Variants in UGT1A8 observed in about 807,000 individuals in gnomAD.
UGT1A8 encodes UDP-glucuronosyltransferase 1A8.
A neutral mutation model predicts 45.3 loss-of-function variants in UGT1A8; 39 were observed. That is an observed-to-expected ratio of 0.86 (90% CI 0.67 to 1.12). The LOEUF is 1.12. Among genes scored for constraint, UGT1A8 ranks in the 50% most tolerant of loss-of-function variants. The pLI is 0.00. For synonymous variants in UGT1A8, 275 were observed against 249.2 expected, an observed-to-expected ratio of 1.10 and a Z score of -0.97; for missense variants, 719 against 664.9, an observed-to-expected ratio of 1.08 and a Z score of -0.90.
Position 233,773,250 on chromosome 2 carries a change from T to C in UGT1A8, c.*691T>C, listed in dbSNP as rs967229603. 2.0e-5 allele frequency: 3 copies of C among 152,350 alleles called. No homozygotes were observed. Among genetic ancestry groups the C allele is most frequent in the Admixed American group, 6.5e-5 (1 of 15,274 alleles). The allele number at this position is 152,350 out of a possible 1,614,324, so 9.4% of individuals were successfully genotyped here. A position where few individuals can be genotyped will look rare whatever the true frequency, so the allele number is the denominator to read the frequency against. Reference sequence around the variant, plus strand: ...AAGTGCTGGGCAAGTTTACTTTTTTTCTGATGTTTCCTACAACTAAAAATA... The same window carrying C: ...AAGTGCTGGGCAAGTTTACTTTTTTCCTGATGTTTCCTACAACTAAAAATA... On this transcript the variant is annotated 3_prime_UTR_variant, in exon 5 of 5. Coordinates refer to ENST00000373450, the MANE Select transcript of UGT1A8 (RefSeq NM_019076.5).
intron 1 of UGT1A8, among the ~76,000 whole-genome samples, chr2:233,709,128 A>C (rs2125614330): frequency 6.6e-6 from 1 of 152,218 alleles, no homozygotes; most frequent in East Asian, 1.9e-4. Context: ...CATGGTGGCC[A>C]AGGGGATGAG....
intron 1 of UGT1A8, among the ~76,000 whole-genome samples, chr2:233,759,599 A>C (rs759174): frequency 0.51 from 55,428 of 108,528 alleles, 10,119 homozygotes; most frequent in African/African-American, 0.62. Flanking sequence ...CCCACCCCCG[A>C]CCCGCCCCAC....
intron 1 of UGT1A8, among the ~76,000 whole-genome samples, chr2:233,675,056 C>T (rs1168181814): frequency 2.6e-5 from 4 of 152,070 alleles, no homozygotes; most frequent in Admixed American, 2.0e-4. Context: ...TGTGTATGTG[C>T]AGGTGTGTTT....
intron 1 of UGT1A8, chr2:233,755,099 C>G: frequency 2.2e-6 from 3 of 1,335,076 alleles, no homozygotes; most frequent in Non-Finnish European, 3.0e-6. Context: ...TCTACGCGTC[C>G]GACAACACCT....
Position 233,772,612 on chromosome 2 carries a change from A to C in UGT1A8, c.*53A>C. ...TTGAACCATTCCCTAGTCATTTCCAAACTTGAAAACAGAATCAGTGTTAAA... is the reference window on the plus strand; with the variant it reads ...TTGAACCATTCCCTAGTCATTTCCACACTTGAAAACAGAATCAGTGTTAAA... On this transcript the variant is annotated 3_prime_UTR_variant, in exon 5 of 5. Coordinates refer to ENST00000373450, the MANE Select transcript of UGT1A8 (RefSeq NM_019076.5). The C allele has an allele frequency of 6.3e-7, 1 of 1,577,490 alleles. No homozygotes were observed. Among genetic ancestry groups the C allele is most frequent in the Non-Finnish European group, 8.6e-7 (1 of 1,160,700 alleles).
intron 1 of UGT1A8, among the ~76,000 whole-genome samples, chr2:233,643,977 G>C (rs1166456539): frequency 6.6e-6 from 1 of 152,166 alleles, no homozygotes; most frequent in East Asian, 1.9e-4. Context: ...TAGAAGGAAA[G>C]GGTCTCTTTT....
intron 1 of UGT1A8, among the ~76,000 whole-genome samples, chr2:233,641,181 T>G (rs923402676): frequency 6.6e-6 from 1 of 152,156 alleles, no homozygotes; most frequent in African/African-American, 2.4e-5. Flanking sequence ...GCAACATATT[T>G]TCCTACTTTC....
chr2:233,669,908 C>T (rs544552407), intron 1 of UGT1A8, among the ~76,000 whole-genome samples: 1 of 152,208 alleles, frequency 6.6e-6, no homozygotes, highest in East Asian at 1.9e-4. Flanking sequence ...TGGTCTCCAA[C>T]TCCTGGCCTC....
chr2:233,659,008 A>G (rs1000420439), intron 1 of UGT1A8, among the ~76,000 whole-genome samples: 1 of 152,224 alleles, frequency 6.6e-6, no homozygotes, highest in African/African-American at 2.4e-5. Flanking sequence ...GGTTGAAATC[A>G]TATTTAAGTT....
intron 1 of UGT1A8, among the ~76,000 whole-genome samples, chr2:233,748,714 G>C (rs1019061059): frequency 6.6e-6 from 1 of 151,630 alleles, no homozygotes; most frequent in Non-Finnish European, 1.5e-5. Flanking sequence ...TTGGGGTCTG[G>C]TGCATGATGT....
intron 1 of UGT1A8, among the ~76,000 whole-genome samples, chr2:233,655,836 A>G (rs1356241662): frequency 2.0e-5 from 3 of 152,218 alleles, no homozygotes; most frequent in Non-Finnish European, 1.5e-5. Context: ...TTAGTTAAGT[A>G]TCAGTTCCCC....
At chr2:233,713,725 T>C in intron 1 of UGT1A8, 1 of 1,613,928 alleles carries the variant, frequency 6.2e-7, no homozygotes, top group Non-Finnish European at 8.5e-7. Context: ...GAGGTGTCAG[T>C]GGTGGATCTT....
intron 1 of UGT1A8, chr2:233,748,151 T>G (rs1288204203): frequency 6.9e-6 from 11 of 1,604,706 alleles, no homozygotes; most frequent in Admixed American, 3.3e-5. Context: ...TTACTTACAA[T>G]TGCTTCCATA....
Position 233,738,670 on chromosome 2 carries a change from T to C in UGT1A8, c.856-28364T>C, listed in dbSNP as rs377285735. 5.3e-5 allele frequency among the ~76,000 whole-genome samples: 8 copies of C among 152,304 alleles called. No homozygotes were observed. The East Asian group carries it at 7.7e-4, about 15-fold the overall frequency. On this transcript the variant is annotated intron_variant, in intron 1 of 4. Transcript: ENST00000373450. ...TTTGGAACTACGAACTTGAGAGAGA[T>C]GATCTGAAATTGGAACTTATGTTTA...
At chr2:233,652,447 G>T (rs184654803) in intron 1 of UGT1A8, among the ~76,000 whole-genome samples, 147 of 152,026 alleles carry the variant, frequency 9.7e-4, no homozygotes, top group African/African-American at 3.5e-3. Flanking sequence ...GGAAATGCTG[G>T]AGATATCATT....
intron 1 of UGT1A8, among the ~76,000 whole-genome samples, chr2:233,679,851 C>A (rs2074464178): frequency 6.6e-6 from 1 of 152,138 alleles, no homozygotes; most frequent in Non-Finnish European, 1.5e-5. Flanking sequence ...ATCACATTGG[C>A]ATCTATAAAT....
intron 1 of UGT1A8, among the ~76,000 whole-genome samples, chr2:233,624,073 C>G (rs563105670): frequency 6.6e-6 from 1 of 152,238 alleles, no homozygotes; most frequent in Non-Finnish European, 1.5e-5. Flanking sequence ...CCCGGTTTCC[C>G]CCATTGTTAA....
At chr2:233,730,438 G>A (rs1247930586) in intron 1 of UGT1A8, among the ~76,000 whole-genome samples, 7 of 152,192 alleles carry the variant, frequency 4.6e-5, no homozygotes, top group African/African-American at 7.2e-5. Context: ...GTCCCATCTT[G>A]CAAATGATAG....
intron 1 of UGT1A8, chr2:233,761,233 T>C: frequency 6.2e-7 from 1 of 1,613,114 alleles, no homozygotes; most frequent in Non-Finnish European, 8.5e-7. Context: ...CCCAGATATA[T>C]GCTGAGCAAG....
Sources: gnomAD v4.1 joint callset for allele counts (sites outside exome capture counted in the v4.1 genomes callset) on GRCh38, gnomAD v4.1.1 for gene constraint, MANE v1.5 for transcripts, NCBI Gene and HGNC (gene_info 2026-07-23, HGNC 2026-07-21) for gene names.